KCNC4: variants seen among roughly 807,000 people sequenced by gnomAD.
KCNC4 encodes voltage-gated potassium channel KCNC4.
In KCNC4, 23 loss-of-function variants were observed where a neutral mutation model predicts 42.8. The observed-to-expected ratio is 0.54, with a 90% CI of 0.39 to 0.76. KCNC4 has a LOEUF of 0.76. Among genes scored for constraint, KCNC4 ranks in the 30% least tolerant of loss-of-function variants. The probability of loss-of-function intolerance (pLI) is 0.00; values close to 1 mark genes in which losing one functional copy is unlikely to be tolerated. For synonymous variants in KCNC4, 422 were observed against 393.5 expected, an observed-to-expected ratio of 1.07 and a Z score of -0.86; for missense variants, 751 against 898.2, an observed-to-expected ratio of 0.84 and a Z score of 2.10.
In KCNC4 at chr1:110,265,786, G is replaced by A. The variant is rs183068150; in HGVS notation, n.31-16748G>A. 2.5e-3 allele frequency among the ~76,000 whole-genome samples: 381 copies of A among 152,184 alleles called. 1 individual carries two copies. Among genetic ancestry groups the A allele is most frequent in the African/African-American group, 7.4e-3 (306 of 41,538 alleles). ...CTAGACCCTCTCCTCCTGAAAACACGGAGAAACTGGGCTGGTGGTGCTCCA... is the reference window on the plus strand; with the variant it reads ...CTAGACCCTCTCCTCCTGAAAACACAGAGAAACTGGGCTGGTGGTGCTCCA... On this transcript the variant is annotated intron_variant and non_coding_transcript_variant, in intron 1 of 2. Transcript: ENST00000412512.
downstream of KCNC4, among the ~76,000 whole-genome samples, chr1:110,251,215 C>A (rs978773499): frequency 5.9e-5 from 9 of 152,302 alleles, no homozygotes; most frequent in African/African-American, 2.2e-4. Flanking sequence ...GCTCCACAGG[C>A]CACGAACGTT....
intron 1 of KCNC4, among the ~76,000 whole-genome samples, chr1:110,256,287 T>C (rs1659328660): frequency 1.3e-5 from 2 of 152,130 alleles, no homozygotes; most frequent in Admixed American, 1.3e-4. Flanking sequence ...TACAAAGCTA[T>C]TAAGGGTGGA....
At position 110,211,210 on chromosome 1, in the gene KCNC4, G is replaced by A. The variant is rs1657424177; in HGVS notation, c.-290G>A. 2.2e-6 allele frequency: 1 copy of A among 448,344 alleles called. No individual in the cohort carries two copies. The highest frequency in any genetic ancestry group is 4.0e-6 in the Non-Finnish European group (1 of 248,710). 27.8% of individuals were successfully genotyped at this position (448,344 alleles called of 1,614,324 possible). The stretch of plus-strand genomic sequence containing the variant: ...AGCGTTTGTGTGTCCCGTCGTAGCG[G>A]GGGACCGCGTGTGTGCTTGCTTCTA... On this transcript the variant is annotated 5_prime_UTR_variant, in exon 1 of 4. Coordinates refer to ENST00000438661, the MANE Select transcript of KCNC4 (RefSeq NM_001039574.3). The surrounding 1 kb of genome is among the most constrained non-coding windows in gnomAD (Gnocchi z 6.5).
At chr1:110,235,511 A>G (rs1052770529), downstream of KCNC4, 8 of 152,174 alleles carry the variant, frequency 5.3e-5, no homozygotes, top group African/African-American at 1.9e-4. Flanking sequence ...GGGGCTGAGA[A>G]CCCAGCCAGC....
rs1166714383 is a variant in KCNC4, at chr1:110,211,507, G to T, written c.8G>T (p.Ser3Ile). 6.2e-7 allele frequency: 1 copy of T among 1,613,414 alleles called. No individual in the cohort carries two copies. The highest frequency in any genetic ancestry group is 2.2e-5 in the East Asian group (1 of 44,856). Residue 3 changes from serine to isoleucine, a missense_variant, in exon 1 of 4, where the codon AGC (serine) becomes ATC (isoleucine). This residue lies in a region of KCNC4 where 183 missense variants were observed against 255.8 expected (regional missense o/e 0.72). Transcript: ENST00000438661. This position sits in a 1 kb window ranked among gnomAD's most constrained non-coding sequence, Gnocchi z 6.5. ...AGCCCCGCAGCGCTTCTTATGATCA[G>T]CTCGGTGTGTGTCTCCTCCTACCGC... The part of the protein sequence containing the change: MI[S>I]SVCVSSYRGR...
chr1:110,219,767 A>G (rs2101002903), intron 1 of KCNC4: 1 of 152,348 alleles, frequency 6.6e-6, no homozygotes, highest in South Asian at 2.1e-4. Context: ...CACAGTGTGG[A>G]CAGGTGAAAA....
At chr1:110,272,287 T>G (rs1659649620) in intron 1 of KCNC4, among the ~76,000 whole-genome samples, 1 of 152,212 alleles carries the variant, frequency 6.6e-6, no homozygotes, top group Non-Finnish European at 1.5e-5. Flanking sequence ...ACAGCCAGAA[T>G]GCAATCAGAG....
At chr1:110,242,822 A>C (rs999918474) in exon 4 of KCNC4, 1 of 152,148 alleles carries the variant, frequency 6.6e-6, no homozygotes, top group Non-Finnish European at 1.5e-5. Flanking sequence ...GAGTAATTTG[A>C]TGGAGATCTC....
Position 110,211,495 on chromosome 1 carries a change from T to G in KCNC4, c.-5T>G, listed in dbSNP as rs1657444083. ...GCCCCAAGCCGGAGCCCCGCAGCGC[T>G]TCTTATGATCAGCTCGGTGTGTGTC... On this transcript the variant is annotated 5_prime_UTR_variant, in exon 1 of 4. Coordinates refer to ENST00000438661, the MANE Select transcript of KCNC4 (RefSeq NM_001039574.3). This position sits in a 1 kb window ranked among gnomAD's most constrained non-coding sequence, Gnocchi z 6.5. 1.2e-6 allele frequency: 2 copies of G among 1,608,188 alleles called. No individual in the cohort carries two copies. The highest frequency in any genetic ancestry group is 2.7e-5 in the African/African-American group (2 of 74,822).
Position 110,211,761 on chromosome 1 carries a change from G to C in KCNC4, c.262G>C (p.Gly88Arg), listed in dbSNP as rs747724381. 7.5e-6 allele frequency: 12 copies of C among 1,609,068 alleles called. No homozygotes were observed. The highest frequency in any genetic ancestry group is 1.0e-5 in the Non-Finnish European group (12 of 1,178,752). ...GGGVGSSGSS[G>R]GGGCEFFFDR... ...CGGTGTGGGTAGCAGCGGCAGCAGCGGCGGCGGGGGCTGCGAGTTCTTCTT... is the reference window on the plus strand; with the variant it reads ...CGGTGTGGGTAGCAGCGGCAGCAGCCGCGGCGGGGGCTGCGAGTTCTTCTT... The change falls in exon 1 of 4, where the codon GGC becomes CGC. Residue 88 changes from glycine (G) to arginine (R), a missense_variant. Coordinates refer to ENST00000438661, the MANE Select transcript of KCNC4 (RefSeq NM_001039574.3). This position sits in a 1 kb window ranked among gnomAD's most constrained non-coding sequence, Gnocchi z 6.5.
At position 110,212,147 on chromosome 1, in the gene KCNC4, C is replaced by G; in HGVS notation, c.648C>G (p.Phe216Leu). The change falls in exon 1 of 4, where the codon TTC becomes TTG. Residue 216 changes from phenylalanine to leucine, a missense_variant. Around this residue, in one of 4 missense-constraint regions of KCNC4, gnomAD observed 181 missense variants for 167.3 expected, o/e 1.08. Transcript: ENST00000438661. The stretch of plus-strand genomic sequence containing the variant: ...GGCAGCCCCGCATGTGGGCGCTCTT[C>G]GAGGATCCCTACTCCTCCCGGGCCG... ...RGWQPRMWAL[F>L]EDPYSSRAAR... 1.3e-6 allele frequency: 2 copies of G among 1,511,816 alleles called. No individual in the cohort carries two copies. Among genetic ancestry groups the G allele is most frequent in the Admixed American group, 4.7e-5 (2 of 42,700 alleles). The allele number at this position is 1,511,816 out of a possible 1,614,324, so 93.7% of individuals were successfully genotyped here.
At chr1:110,232,103 G>A in intron 3 of KCNC4, 3 of 908,764 alleles carry the variant, frequency 3.3e-6, no homozygotes, top group Non-Finnish European at 5.1e-6. Context: ...GGTAAGGTAG[G>A]GGAAGGAAAG....
At chr1:110,217,263 C>T (rs1046565545) in intron 1 of KCNC4, among the ~76,000 whole-genome samples, 27 of 152,278 alleles carry the variant, frequency 1.8e-4, no homozygotes, top group African/African-American at 4.8e-4. Flanking sequence ...TAAATCCCAC[C>T]TCTACGTGGG....
chr1:110,245,598 G>A (rs1329100024), exon 4 of KCNC4: 1 of 152,172 alleles, frequency 6.6e-6, no homozygotes, highest in African/African-American at 2.4e-5. Context: ...TCCAAGACTA[G>A]CCACTTAGAA....
intron 3 of KCNC4, among the ~76,000 whole-genome samples, chr1:110,230,185 C>T (rs1200549860): frequency 6.6e-6 from 1 of 152,202 alleles, no homozygotes; most frequent in African/African-American, 2.4e-5. Context: ...TGGGATACCC[C>T]CACCCTGCAG....
At chr1:110,279,265 G>A (rs1040463776) in intron 1 of KCNC4, among the ~76,000 whole-genome samples, 6 of 152,200 alleles carry the variant, frequency 3.9e-5, no homozygotes, top group Non-Finnish European at 5.9e-5. Flanking sequence ...TGATAGAGTC[G>A]GCATTCTGAT....
At chr1:110,265,596 T>C (rs1279639883) in intron 1 of KCNC4, among the ~76,000 whole-genome samples, 5 of 152,066 alleles carry the variant, frequency 3.3e-5, no homozygotes, top group Non-Finnish European at 7.4e-5. Context: ...ATTACAACAG[T>C]ACTTATGTCA....
intron 3 of KCNC4, chr1:110,229,273 C>G (rs542684014): frequency 3.9e-5 from 6 of 152,382 alleles, no homozygotes; most frequent in African/African-American, 1.2e-4. Context: ...ATGGGCAGTG[C>G]TGCCCTGGGA....
At chr1:110,234,595 C>T (rs114694700), downstream of KCNC4, 7,832 of 152,278 alleles carry the variant, frequency 0.051, 714 homozygotes, top group African/African-American at 0.18. Flanking sequence ...CTGTTGTTAT[C>T]CCTCTCACGT....
Sources: gnomAD v4.1 joint callset for allele counts (sites outside exome capture counted in the v4.1 genomes callset) on GRCh38, gnomAD v4.1.1 for gene constraint, gnomAD v4.1.1 regional missense constraint, Gnocchi (gnomAD v3.1) non-coding constraint, MANE v1.5 for transcripts, NCBI Gene and HGNC (gene_info 2026-07-23, HGNC 2026-07-21) for gene names.